C19orf44: variants seen among roughly 807,000 people sequenced by gnomAD.
The protein encoded by C19orf44 is chromosome 19 open reading frame 44, also known as uncharacterized protein C19orf44.
A neutral mutation model predicts 50.7 loss-of-function variants in C19orf44; 43 were observed. The observed-to-expected ratio is 0.85, with a 90% CI of 0.66 to 1.09. The LOEUF (loss-of-function observed/expected upper bound fraction) is 1.09. Ranked by LOEUF, C19orf44 falls within the 50% of genes least tolerant of loss-of-function variation. The pLI is 0.00. For synonymous variants in C19orf44, 298 were observed against 334.7 expected (o/e 0.89, Z 1.20); for missense variants, 722 against 836.2 (o/e 0.86, Z 1.68).
chr19:16,508,309 G>A (rs2122200623), intron 4 of C19orf44, among the ~76,000 whole-genome samples: 1 of 150,996 alleles, frequency 6.6e-6, no homozygotes. Flanking sequence ...CACCATGTTG[G>A]CCAGGCTGGT....
Position 16,503,051 on chromosome 19 carries a change from G to A in C19orf44, c.760-14G>A. The A allele has an allele frequency of 6.3e-7, 1 of 1,582,744 alleles. No individual in the cohort carries two copies. Among genetic ancestry groups the A allele is most frequent in the Non-Finnish European group, 8.6e-7 (1 of 1,162,976 alleles). On this transcript the variant is annotated splice_polypyrimidine_tract_variant and intron_variant, in intron 2 of 8. Transcript: ENST00000221671. ...GTTGTCATAAGTTTGTTAATTTCAA[G>A]TGTTTTATATCAGGTCCCATCTCAA...
At chr19:16,506,557 C>T (rs923485283) in intron 3 of C19orf44, 144 bp from the exon 4 acceptor site, 14 of 508,396 alleles carry the variant, frequency 2.8e-5, no homozygotes, top group Middle Eastern at 5.7e-4. Flanking sequence ...CGTGCCACTG[C>T]ACTCCAGCCT....
rs924385798 is a variant in C19orf44, at chr19:16,507,494, C to CT, written c.1149+735dup. 2.6e-3 allele frequency among the ~76,000 whole-genome samples: 358 copies of CT among 138,784 alleles called. 1 individual carries two copies. Among genetic ancestry groups the CT allele is most frequent in the Middle Eastern group, 7.2e-3 (2 of 276 alleles). The allele number at this position is 138,784 out of a possible 152,430, so 91.0% of individuals were successfully genotyped here. On this transcript the variant is annotated intron_variant, in intron 4 of 8. Coordinates refer to ENST00000221671, the MANE Select transcript of C19orf44 (RefSeq NM_032207.4). ...TATTATTATTATTTTTTATTTTAAA[C>CT]TTTTTTTTTTTTTTTGAGAGAAGTC...
intron 8 of C19orf44, chr19:16,518,810 A>C (rs1219298036): frequency 3.6e-6 from 1 of 276,056 alleles, no homozygotes; most frequent in Non-Finnish European, 6.9e-6. Context: ...GCCTAGGAGG[A>C]GGCTTCAATC....
At position 16,501,074 on chromosome 19, in the gene C19orf44, C is replaced by A; in HGVS notation, c.282C>A (p.Leu94=). The A allele has an allele frequency of 6.2e-7, 1 of 1,614,154 alleles. No homozygotes were observed. Among genetic ancestry groups the A allele is most frequent in the Non-Finnish European group, 8.5e-7 (1 of 1,180,044 alleles). Residue 94 remains leucine (L), a synonymous_variant, in exon 2 of 9, where the codon CTC becomes CTA. Transcript: ENST00000221671. ...TASRIRANAA[L]MKLAQLETRI... The stretch of plus-strand genomic sequence containing the variant: ...CCAGGATCCGAGCCAATGCCGCACT[C>A]ATGAAGCTGGCCCAGCTGGAAACCC...
intron 5 of C19orf44, among the ~76,000 whole-genome samples, chr19:16,510,729 C>G (rs2122209807): frequency 6.6e-6 from 1 of 152,152 alleles, no homozygotes; most frequent in Non-Finnish European, 1.5e-5. Context: ...AGATATTTCT[C>G]TCTCTCTCTC....
intron 8 of C19orf44, chr19:16,518,996 G>A (rs2085577902): frequency 1.2e-5 from 8 of 690,848 alleles, no homozygotes; most frequent in Admixed American, 3.0e-5. Flanking sequence ...GGAGCACGGC[G>A]TTCCCACTGG....
intron 3 of C19orf44, 144 bp downstream of exon 3, chr19:16,503,524 G>T: frequency 1.2e-6 from 1 of 843,140 alleles, no homozygotes; most frequent in Non-Finnish European, 1.8e-6. Flanking sequence ...TAACTTTCTT[G>T]TCTGGTTGAG....
chr19:16,499,265 AT>A (rs891811539), intron 1 of C19orf44, among the ~76,000 whole-genome samples: 75 of 152,120 alleles, frequency 4.9e-4, no homozygotes, highest in African/African-American at 1.8e-3. Flanking sequence ...AGGAATCATA[AT>A]TCATTCTTGT....
rs528252498 is a variant in C19orf44 at position 16,513,275 on chromosome 19, A to G, written c.1735+166A>G. On this transcript the variant is annotated intron_variant, in intron 6 of 8. Transcript: ENST00000221671. ...CAGGCACCTGCCATGAGGAGAGAAA[A>G]GGTGTGGATGCCCTTGAACCTTCTG... Among the ~76,000 whole-genome samples the G allele has an allele frequency of 7.2e-5, 11 of 152,304 alleles. No individual in the cohort carries two copies. The East Asian group carries it at 7.7e-4, about 11-fold the overall frequency.
At chr19:16,511,615 CTG>C (rs1293095385) in intron 5 of C19orf44, among the ~76,000 whole-genome samples, 1 of 151,866 alleles carries the variant, frequency 6.6e-6, no homozygotes, top group East Asian at 2.0e-4. Flanking sequence ...GGGTCTCGCT[CTG>C]TTGCCCAGGC....
In C19orf44 at chr19:16,519,771, G is replaced by T; in HGVS notation, c.*41-323G>T. On this transcript the variant is annotated intron_variant, in intron 8 of 8. Coordinates refer to ENST00000221671, the MANE Select transcript of C19orf44 (RefSeq NM_032207.4). This position sits in a 1 kb window ranked among gnomAD's most constrained non-coding sequence, Gnocchi z 6.0. ...AAGTAACTGAGACATTTATTGGAAT[G>T]ACAGTGATGAGGACCTCACAGCCGC... 6.9e-7 allele frequency: 1 copy of T among 1,444,344 alleles called. No homozygotes were observed. Among genetic ancestry groups the T allele is most frequent in the Non-Finnish European group, 9.7e-7 (1 of 1,025,814 alleles). The allele number at this position is 1,444,344 out of a possible 1,614,324, so 89.5% of individuals were successfully genotyped here. A position where few individuals can be genotyped will look rare whatever the true frequency, so the allele number is the denominator to read the frequency against.
intron 1 of C19orf44, among the ~76,000 whole-genome samples, chr19:16,498,635 A>G (rs868098754): frequency 2.0e-5 from 3 of 150,878 alleles, no homozygotes; most frequent in South Asian, 4.2e-4. Flanking sequence ...GATTATAGCC[A>G]TGCTAGGGGA....
Position 16,519,777 on chromosome 19 carries a change from G to T in C19orf44, c.*41-317G>T. 1.4e-6 allele frequency: 2 copies of T among 1,392,310 alleles called. No homozygotes were observed. Among genetic ancestry groups the T allele is most frequent in the East Asian group, 2.3e-5 (1 of 43,762 alleles). 86.2% of individuals were successfully genotyped at this position (1,392,310 alleles called of 1,614,324 possible). A position where few individuals can be genotyped will look rare whatever the true frequency, so the allele number is the denominator to read the frequency against. On this transcript the variant is annotated intron_variant, in intron 8 of 8. Transcript: ENST00000221671. The surrounding 1 kb of genome is among the most constrained non-coding windows in gnomAD (Gnocchi z 6.0). ...CTGAGACATTTATTGGAATGACAGTGATGAGGACCTCACAGCCGCAGCTTG... is the reference window on the plus strand; with the variant it reads ...CTGAGACATTTATTGGAATGACAGTTATGAGGACCTCACAGCCGCAGCTTG...
Position 16,509,764 on chromosome 19 carries a change from T to C in C19orf44, c.1415T>C (p.Phe472Ser). ...GTCAGCTCAGCTTATTCGGAGGATT[T>C]TGAAAACTCTCCAAGTCTGACAGCA... Reference protein sequence around the residue: ...NTVSSAYSEDFENSPSLTASE... With the variant: ...NTVSSAYSEDSENSPSLTASE... Residue 472 changes from phenylalanine (F) to serine (S), a missense_variant, in exon 5 of 9, where the codon TTT (phenylalanine) becomes TCT (serine). Transcript: ENST00000221671. The C allele has an allele frequency of 1.9e-6, 3 of 1,614,244 alleles. No homozygotes were observed. Among genetic ancestry groups the C allele is most frequent in the Non-Finnish European group, 2.5e-6 (3 of 1,180,036 alleles).
Position 16,517,315 on chromosome 19 carries a change from G to C in C19orf44, c.*14G>C, listed in dbSNP as rs1417751926. On this transcript the variant is annotated 3_prime_UTR_variant, in exon 8 of 9. Coordinates refer to ENST00000221671, the MANE Select transcript of C19orf44 (RefSeq NM_032207.4). ...AAGGAGCTGTGAGCGCCAGCAGGTG[G>C]AGCTTGACGTGACGTCTTAACAAAA... The C allele has an allele frequency of 1.2e-6, 2 of 1,613,048 alleles. No homozygotes were observed. The highest frequency in any genetic ancestry group is 1.1e-5 in the South Asian group (1 of 91,018).
At position 16,520,085 on chromosome 19, in the gene C19orf44, C is replaced by A; in HGVS notation, c.*41-9C>A. ...AGTCTCCTAACCACCAATGTTTCCACATTCACAGCAAAGCACCGCAGCTTC... is the reference window on the plus strand; with the variant it reads ...AGTCTCCTAACCACCAATGTTTCCAAATTCACAGCAAAGCACCGCAGCTTC... On this transcript the variant is annotated splice_polypyrimidine_tract_variant and intron_variant, in intron 8 of 8. Coordinates refer to ENST00000221671, the MANE Select transcript of C19orf44 (RefSeq NM_032207.4). The surrounding 1 kb of genome is among the most constrained non-coding windows in gnomAD (Gnocchi z 4.0). 6.6e-7 allele frequency: 1 copy of A among 1,523,332 alleles called. No individual in the cohort carries two copies. The allele number at this position is 1,523,332 out of a possible 1,614,324, so 94.4% of individuals were successfully genotyped here.
At chr19:16,500,249 T>C (rs1364780148) in intron 1 of C19orf44, among the ~76,000 whole-genome samples, 2 of 152,068 alleles carry the variant, frequency 1.3e-5, no homozygotes, top group Non-Finnish European at 2.9e-5. Flanking sequence ...GTTCTTACAC[T>C]AAGTGAAATC....
At position 16,520,680 on chromosome 19, in the gene C19orf44, T is replaced by C. The variant is rs902800754; in HGVS notation, c.*627T>C. 35 of 1,129,880 alleles carry C rather than the reference T, an allele frequency of 3.1e-5. No homozygotes were observed. In the African/African-American group the frequency reaches 4.6e-4, roughly 15 times the overall value. 70.0% of individuals were successfully genotyped at this position (1,129,880 alleles called of 1,614,324 possible). A position where few individuals can be genotyped will look rare whatever the true frequency, so the allele number is the denominator to read the frequency against. On this transcript the variant is annotated 3_prime_UTR_variant, in exon 9 of 9. Transcript: ENST00000221671. This position sits in a 1 kb window ranked among gnomAD's most constrained non-coding sequence, Gnocchi z 4.0. ...AATAGTGTGGCCGAGCCTGCTGCTG[T>C]GTGAATTCAGGCCTTGTGGAAAACA...
Sources: allele counts gnomAD v4.1 joint callset (sites outside exome capture counted in the v4.1 genomes callset), GRCh38; gene constraint gnomAD v4.1.1; non-coding constraint Gnocchi (gnomAD v3.1); transcripts MANE v1.5; gene names NCBI Gene and HGNC (gene_info 2026-07-23, HGNC 2026-07-21).